The following ITGBL1 variants were observed in gnomAD, a reference collection of about 807,000 sequenced individuals.
ITGBL1 encodes the protein integrin beta-like protein 1.
A neutral mutation model predicts 68.5 loss-of-function variants in ITGBL1; 51 were observed. The observed-to-expected ratio is 0.74, with a 90% CI of 0.59 to 0.94. ITGBL1 has a LOEUF of 0.94. Among genes scored for constraint, ITGBL1 ranks in the 40% least tolerant of loss-of-function variants. The pLI, the probability that ITGBL1 is intolerant of heterozygous loss-of-function variation, is 0.00. For synonymous variants in ITGBL1, 209 were observed against 227.3 expected (o/e 0.92, Z 0.72); for missense variants, 649 against 647.4 (o/e 1.00, Z -0.03).
chr13:101,666,566 TTTG>T (rs2033223929), intron 7 of ITGBL1, among the ~76,000 whole-genome samples: 1 of 152,178 alleles, frequency 6.6e-6, no homozygotes, highest in Non-Finnish European at 1.5e-5. Flanking sequence ...GATTTAATGT[TTTG>T]TTTGATCTGT....
At chr13:101,631,468 T>G (rs1297905205) in intron 7 of ITGBL1, among the ~76,000 whole-genome samples, 4 of 152,154 alleles carry the variant, frequency 2.6e-5, no homozygotes, top group South Asian at 2.1e-4. Flanking sequence ...ATTTAATGAG[T>G]TTGTATAGAC....
chr13:101,629,980 G>A (rs146849480), intron 7 of ITGBL1, among the ~76,000 whole-genome samples: 3,003 of 152,054 alleles, frequency 0.02, 37 homozygotes, highest in Non-Finnish European at 0.027. Context: ...CTGCCACCAC[G>A]CCCGGCTCAT....
chr13:101,478,240 A>T (rs1190000666), intron 2 of ITGBL1, among the ~76,000 whole-genome samples: 5 of 151,772 alleles, frequency 3.3e-5, no homozygotes, highest in Non-Finnish European at 5.9e-5. Context: ...AAGCCATATG[A>T]TCATTTCAGT....
intron 6 of ITGBL1, among the ~76,000 whole-genome samples, chr13:101,595,054 A>G (rs2029883292): frequency 6.6e-6 from 1 of 152,202 alleles, no homozygotes; most frequent in Non-Finnish European, 1.5e-5. Context: ...AGCCTGGGCA[A>G]TAGAGTGAGA....
At chr13:101,599,121 T>C (rs1490182703) in intron 7 of ITGBL1, among the ~76,000 whole-genome samples, 7 of 151,968 alleles carry the variant, frequency 4.6e-5, no homozygotes, top group Non-Finnish European at 8.8e-5. Context: ...TTTTAATGAT[T>C]GCCATTCTAA....
intron 7 of ITGBL1, among the ~76,000 whole-genome samples, chr13:101,605,965 T>C (rs1353242117): frequency 1.4e-5 from 2 of 147,592 alleles, no homozygotes; most frequent in Non-Finnish European, 3.0e-5. Flanking sequence ...CATATACACA[T>C]ATATATGCAT....
At chr13:101,687,716 T>C (rs1284859996) in intron 7 of ITGBL1, among the ~76,000 whole-genome samples, 2 of 152,142 alleles carry the variant, frequency 1.3e-5, no homozygotes, top group African/African-American at 4.8e-5. Context: ...TAAAACTTAA[T>C]AAGAGTAGGC....
At chr13:101,527,779 A>G (rs979150949) in intron 2 of ITGBL1, among the ~76,000 whole-genome samples, 1 of 152,012 alleles carries the variant, frequency 6.6e-6, no homozygotes, top group African/African-American at 2.4e-5. Flanking sequence ...ACTGATAAGT[A>G]TGTTTTGAAT....
At chr13:101,592,380 A>T (rs1460401048) in intron 6 of ITGBL1, among the ~76,000 whole-genome samples, 1 of 152,162 alleles carries the variant, frequency 6.6e-6, no homozygotes, top group East Asian at 1.9e-4. Flanking sequence ...AAGTAACCAA[A>T]ACAGAAATTA....
chr13:101,641,135 C>T (rs894919469), intron 7 of ITGBL1, among the ~76,000 whole-genome samples: 1 of 152,090 alleles, frequency 6.6e-6, no homozygotes, highest in East Asian at 1.9e-4. Context: ...TGCAAACATG[C>T]TGATGGCAGG....
intron 6 of ITGBL1, among the ~76,000 whole-genome samples, chr13:101,594,917 T>G (rs1187828954): frequency 6.6e-6 from 1 of 152,002 alleles, no homozygotes; most frequent in African/African-American, 2.4e-5. Context: ...CTACTAAAAA[T>G]ACAAAAATTA....
intron 2 of ITGBL1, among the ~76,000 whole-genome samples, chr13:101,456,829 C>G (rs541060018): frequency 6.6e-6 from 1 of 152,080 alleles, no homozygotes; most frequent in African/African-American, 2.4e-5. Context: ...GCAGGAGAAT[C>G]GCTTGAACCC....
At chr13:101,531,591 A>G (rs1398567055) in intron 2 of ITGBL1, among the ~76,000 whole-genome samples, 3 of 131,876 alleles carry the variant, frequency 2.3e-5, no homozygotes, top group Non-Finnish European at 4.7e-5. Context: ...ACACCCGATT[A>G]CTTCATAGCG....
At chr13:101,591,894 G>A (rs1561119) in intron 6 of ITGBL1, among the ~76,000 whole-genome samples, 148,313 of 152,286 alleles carry the variant, frequency 0.97, 72,362 homozygotes, top group East Asian at 1. Context: ...AGTTGAAACT[G>A]TGCTTTCCTC....
chr13:101,575,790 C>T (rs1394087899), intron 4 of ITGBL1, among the ~76,000 whole-genome samples: 1 of 152,166 alleles, frequency 6.6e-6, no homozygotes, highest in African/African-American at 2.4e-5. Context: ...AACAGGCCAA[C>T]TGCATAGCTC....
intron 7 of ITGBL1, among the ~76,000 whole-genome samples, chr13:101,647,486 A>G (rs1180489323): frequency 6.6e-6 from 1 of 152,230 alleles, no homozygotes. Context: ...ATAAAATACC[A>G]ACAAAAAAAA....
At chr13:101,701,734 C>T (rs1470331596) in intron 8 of ITGBL1, among the ~76,000 whole-genome samples, 2 of 151,768 alleles carry the variant, frequency 1.3e-5, no homozygotes, top group Non-Finnish European at 1.5e-5. Flanking sequence ...TAAAATAAGC[C>T]AGTCATGAAA....
chr13:101,665,904 T>C (rs2033203409), intron 7 of ITGBL1, among the ~76,000 whole-genome samples: 1 of 152,206 alleles, frequency 6.6e-6, no homozygotes, highest in Non-Finnish European at 1.5e-5. Flanking sequence ...TGTGAGGATC[T>C]GCCCAGCAAC....
intron 2 of ITGBL1, among the ~76,000 whole-genome samples, chr13:101,471,793 C>T (rs1426207053): frequency 6.6e-6 from 1 of 151,786 alleles, no homozygotes; most frequent in Non-Finnish European, 1.5e-5. Flanking sequence ...TATATCCAAA[C>T]ATCACTGGGC....
Sources: gnomAD v4.1 joint callset for allele counts (sites outside exome capture counted in the v4.1 genomes callset) on GRCh38, gnomAD v4.1.1 for gene constraint, MANE v1.5 for transcripts, NCBI Gene and HGNC (gene_info 2026-07-23, HGNC 2026-07-21) for gene names.